FAM13C: variants seen among roughly 807,000 people sequenced by gnomAD.
The protein encoded by FAM13C is protein FAM13C.
Under a neutral mutation model 73.2 loss-of-function variants are expected in FAM13C, and 37 were observed. That is an observed-to-expected ratio of 0.51 (90% CI 0.39 to 0.67). The LOEUF (loss-of-function observed/expected upper bound fraction) is 0.67, where lower values mean the gene tolerates loss of function less well. Ranked by LOEUF, FAM13C falls within the 30% of genes least tolerant of loss-of-function variation. The probability of loss-of-function intolerance (pLI) is 0.00; values close to 1 mark genes in which losing one functional copy is unlikely to be tolerated. For missense variants in FAM13C, 589 were observed against 715.6 expected, an observed-to-expected ratio of 0.82 and a Z score of 2.02; for synonymous variants, 246 against 260.9, an observed-to-expected ratio of 0.94 and a Z score of 0.55.
intron 5 of FAM13C, among the ~76,000 whole-genome samples, chr10:59,293,534 G>A (rs1846533372): frequency 6.6e-6 from 1 of 152,104 alleles, no homozygotes; most frequent in Admixed American, 6.6e-5. Flanking sequence ...ATATTCCATT[G>A]TATATAAGTA....
rs541039790 is a variant in FAM13C, at chr10:59,267,145, G to T, written c.942+1408C>A. On this transcript the variant is annotated intron_variant, in intron 8 of 13. Coordinates refer to ENST00000618804, the MANE Select transcript of FAM13C (RefSeq NM_198215.4). ...ACTCAAGAACTGCCAGATAAGAAGT[G>T]TTAACAGGTGCTGGGAATGGAGCCC... 3.9e-5 allele frequency among the ~76,000 whole-genome samples: 6 copies of T among 152,282 alleles called. No individual in the cohort carries two copies. The South Asian group carries it at 1.0e-3, about 26-fold the overall frequency.
intron 3 of FAM13C, among the ~76,000 whole-genome samples, chr10:59,333,237 T>G (rs1308551368): frequency 6.6e-6 from 1 of 152,142 alleles, no homozygotes; most frequent in Non-Finnish European, 1.5e-5. Context: ...ACCTCTTACT[T>G]GCACTTTGAG....
At chr10:59,358,870 A>G (rs191297735) in intron 1 of FAM13C, among the ~76,000 whole-genome samples, 1 of 152,332 alleles carries the variant, frequency 6.6e-6, no homozygotes, top group East Asian at 1.9e-4. Flanking sequence ...AAAGAACACA[A>G]TTCCAAGCTC....
rs1191550667 is a variant in FAM13C, at chr10:59,277,474, A to G, written c.592+5889T>C. 2.0e-5 allele frequency among the ~76,000 whole-genome samples: 3 copies of G among 152,200 alleles called. No individual in the cohort carries two copies. The East Asian group carries it at 5.8e-4, about 29-fold the overall frequency. ...TCCAGTGGTGACATTCTGTAAAACTATAGTACCTCTGCTGATATTTACAAA... is the reference window on the plus strand; with the variant it reads ...TCCAGTGGTGACATTCTGTAAAACTGTAGTACCTCTGCTGATATTTACAAA... On this transcript the variant is annotated intron_variant, in intron 6 of 13. Transcript: ENST00000618804.
In FAM13C at chr10:59,283,447, C is replaced by G; in HGVS notation, c.508G>C (p.Glu170Gln). ...ACTCCATGCACCTGAGCAGCTTCTT[C>G]CTGGTTTGTTAAAAATGCAGAGCAC... is the stretch of plus-strand genomic sequence containing the variant. ...AFETRQDLNE[E>Q]EAAQVHGVKD... Residue 170 changes from glutamate to glutamine, a missense_variant and splice_region_variant, in exon 6 of 14, where the codon GAA (glutamate) becomes CAA (glutamine). Physicochemically the swap from Glu to Gln is conservative, Grantham distance 29. Coordinates refer to ENST00000618804, the MANE Select transcript of FAM13C (RefSeq NM_198215.4). The G allele has an allele frequency of 6.2e-7, 1 of 1,614,172 alleles. No homozygotes were observed. The highest frequency in any genetic ancestry group is 1.1e-5 in the South Asian group (1 of 91,088).
At chr10:59,310,079 G>A (rs1848744136) in intron 4 of FAM13C, among the ~76,000 whole-genome samples, 1 of 152,156 alleles carries the variant, frequency 6.6e-6, no homozygotes, top group South Asian at 2.1e-4. Flanking sequence ...AACCTGGGCA[G>A]AAAGAGTAAA....
At position 59,273,253 on chromosome 10, in the gene FAM13C, T is replaced by A. The variant is rs553934876; in HGVS notation, c.593-3144A>T. On this transcript the variant is annotated intron_variant, in intron 6 of 13. Coordinates refer to ENST00000618804, the MANE Select transcript of FAM13C (RefSeq NM_198215.4). ...AGTAACAATATTCACCCATGCATCC[T>A]TTGTATAGGGTATTTGGTGAAATCT... is the stretch of plus-strand genomic sequence containing the variant. 1.1e-4 allele frequency among the ~76,000 whole-genome samples: 16 copies of A among 152,328 alleles called. No individual in the cohort carries two copies. In the East Asian group the frequency reaches 3.1e-3, roughly 29 times the overall value.
rs753518765 is a variant in FAM13C at position 59,251,573 on chromosome 10, A to G, written c.1634+2T>C. 6.2e-7 allele frequency: 1 copy of G among 1,612,106 alleles called. No individual in the cohort carries two copies. Among genetic ancestry groups the G allele is most frequent in the Non-Finnish European group, 8.5e-7 (1 of 1,178,250 alleles). On this transcript the variant is annotated splice_donor_variant, in intron 13 of 13. Transcript: ENST00000618804. LOFTEE classifies it high-confidence loss of function. ...TTTAAAAATCTCTCTGCCGACACAT[A>G]CCTTCCTGTTTGTTTAAAAAACTGT... is the stretch of plus-strand genomic sequence containing the variant.
At chr10:59,341,369 G>A (rs1293208723) in intron 3 of FAM13C, among the ~76,000 whole-genome samples, 1 of 152,114 alleles carries the variant, frequency 6.6e-6, no homozygotes, top group Non-Finnish European at 1.5e-5. Context: ...AACAAAAGAG[G>A]CAGTGCTGAA....
chr10:59,291,155 C>T (rs755671927), intron 5 of FAM13C, among the ~76,000 whole-genome samples: 12 of 152,134 alleles, frequency 7.9e-5, no homozygotes, highest in African/African-American at 9.7e-5. Context: ...CCTCTGACTC[C>T]CTCATTGCCT....
chr10:59,262,291 C>A (rs1297138117), intron 10 of FAM13C, 143 bp downstream of exon 10: 6 of 681,446 alleles, frequency 8.8e-6, no homozygotes, highest in Non-Finnish European at 1.5e-5. Context: ...TGGCCAGTAA[C>A]CTGTCAGGAA....
chr10:59,251,568 C>T lies in FAM13C; in HGVS notation c.1634+7G>A, dbSNP rs1841380415. 9 of 1,610,814 alleles carry T rather than the reference C, an allele frequency of 5.6e-6. No individual in the cohort carries two copies. The highest frequency in any genetic ancestry group is 7.6e-6 in the Non-Finnish European group (9 of 1,177,056). ...TTAGCTTTAAAAATCTCTCTGCCGA[C>T]ACATACCTTCCTGTTTGTTTAAAAA... On this transcript the variant is annotated splice_region_variant and intron_variant, in intron 13 of 13. Coordinates refer to ENST00000618804, the MANE Select transcript of FAM13C (RefSeq NM_198215.4).
chr10:59,310,938 G>A (rs1009762297), intron 4 of FAM13C, among the ~76,000 whole-genome samples: 4 of 152,154 alleles, frequency 2.6e-5, no homozygotes, highest in African/African-American at 4.8e-5. Flanking sequence ...ATTGGGGAAC[G>A]CTATCCTAAA....
chr10:59,348,963 T>G (rs749556034), intron 3 of FAM13C, among the ~76,000 whole-genome samples: 14 of 150,262 alleles, frequency 9.3e-5, no homozygotes, highest in Non-Finnish European at 1.9e-4. Context: ...TATCTTGAGG[T>G]TTTTTTTCTC....
chr10:59,338,301 T>C (rs1015185092), intron 3 of FAM13C, among the ~76,000 whole-genome samples: 3 of 152,094 alleles, frequency 2.0e-5, no homozygotes, highest in Non-Finnish European at 4.4e-5. Context: ...ACAGATAACA[T>C]GCCTGTCCCA....
At chr10:59,355,260 G>T (rs1223702766) in intron 2 of FAM13C, among the ~76,000 whole-genome samples, 1 of 152,008 alleles carries the variant, frequency 6.6e-6, no homozygotes, top group Admixed American at 6.6e-5. Flanking sequence ...CTGGCTCCTT[G>T]CCCACAAAAT....
chr10:59,299,611 T>C (rs778328807), intron 5 of FAM13C, among the ~76,000 whole-genome samples: 6 of 152,030 alleles, frequency 3.9e-5, no homozygotes, highest in Non-Finnish European at 8.8e-5. Context: ...TCTACAAGCA[T>C]ACAGAGAGTA....
intron 2 of FAM13C, among the ~76,000 whole-genome samples, chr10:59,352,946 A>T (rs955798283): frequency 2.0e-5 from 3 of 152,210 alleles, no homozygotes; most frequent in Non-Finnish European, 4.4e-5. Context: ...TTCTTGGTTC[A>T]AGGCACCATG....
chr10:59,349,970 T>C (rs284613), intron 3 of FAM13C, among the ~76,000 whole-genome samples: 119,462 of 152,148 alleles, frequency 0.79, 47,775 homozygotes, highest in Middle Eastern at 0.87. Context: ...CGAGTCTCAC[T>C]GATCCCCAGA....
Sources: gnomAD v4.1 joint callset for allele counts (sites outside exome capture counted in the v4.1 genomes callset) on GRCh38, gnomAD v4.1.1 for gene constraint, MANE v1.5 for transcripts, NCBI Gene and HGNC (gene_info 2026-07-23, HGNC 2026-07-21) for gene names.